The following OTOGL variants were observed in gnomAD, a reference collection of about 807,000 sequenced individuals.
OTOGL encodes otogelin like, also known as otogelin-like protein.
A neutral mutation model predicts 318.5 loss-of-function variants in OTOGL; 285 were observed. The ratio of observed to expected loss-of-function variants is 0.89; its 90% CI spans 0.81 to 0.99. OTOGL has a LOEUF of 0.99. OTOGL is among the 50% of genes least tolerant of loss of function. OTOGL has a pLI of 0.00. For synonymous variants in OTOGL, 987 were observed against 936.5 expected (o/e 1.05, Z -0.99); for missense variants, 2,899 against 2,845.6 (o/e 1.02, Z -0.43).
At chr12:80,327,553 T>C (rs922075205) in intron 35 of OTOGL, among the ~76,000 whole-genome samples, 5 of 151,998 alleles carry the variant, frequency 3.3e-5, no homozygotes, top group Non-Finnish European at 5.9e-5. Flanking sequence ...AGTTTAGGAT[T>C]AATAACAGGC....
At chr12:80,213,782 C>T (rs144369460) in intron 4 of OTOGL, among the ~76,000 whole-genome samples, 27 of 152,224 alleles carry the variant, frequency 1.8e-4, no homozygotes, top group African/African-American at 6.3e-4. Context: ...ATTTTCTGAA[C>T]AATTTTTAAA....
intron 42 of OTOGL, among the ~76,000 whole-genome samples, chr12:80,338,182 A>G (rs1188619730): frequency 2.0e-5 from 3 of 152,074 alleles, no homozygotes; most frequent in South Asian, 2.1e-4. Flanking sequence ...TTAGAAAGCA[A>G]TAGGAGGAAC....
intron 28 of OTOGL, 66 bp from the exon 29 acceptor site, chr12:80,305,510 T>A: frequency 8.2e-7 from 1 of 1,222,410 alleles, no homozygotes; most frequent in Non-Finnish European, 1.0e-6. Flanking sequence ...AAAGTTTTAA[T>A]GAATATGAGT....
At chr12:80,329,928 C>T (rs985773725) in intron 37 of OTOGL, among the ~76,000 whole-genome samples, 9 of 152,120 alleles carry the variant, frequency 5.9e-5, no homozygotes, top group Non-Finnish European at 1.2e-4. Context: ...ACAAGCAGCC[C>T]ACACTAGGAC....
intron 24 of OTOGL, among the ~76,000 whole-genome samples, chr12:80,276,707 C>T (rs1017331407): frequency 6.6e-6 from 1 of 151,476 alleles, no homozygotes; most frequent in Non-Finnish European, 1.5e-5. Flanking sequence ...GAATCGAGGT[C>T]ATTGTTGGTC....
intron 44 of OTOGL, among the ~76,000 whole-genome samples, chr12:80,347,464 C>G (rs766884580): frequency 3.9e-5 from 6 of 152,198 alleles, no homozygotes; most frequent in African/African-American, 7.2e-5. Flanking sequence ...CCTGCAAAGA[C>G]ATGAATTCAT....
intron 22 of OTOGL, 140 bp from the exon 23 acceptor site, chr12:80,269,962 T>G: frequency 1.5e-6 from 1 of 687,820 alleles, no homozygotes; most frequent in Non-Finnish European, 2.4e-6. Flanking sequence ...CCCAACAGCT[T>G]GTAAAAACTT....
chr12:80,375,977 G>T (rs1470434778), intron 57 of OTOGL, among the ~76,000 whole-genome samples: 2 of 151,960 alleles, frequency 1.3e-5, no homozygotes, highest in Non-Finnish European at 2.9e-5. Flanking sequence ...ACCAAACCAG[G>T]TGAGCTCAGG....
At chr12:80,174,722 C>T (rs901467414) in intron 1 of OTOGL, among the ~76,000 whole-genome samples, 2 of 152,010 alleles carry the variant, frequency 1.3e-5, no homozygotes, top group African/African-American at 4.8e-5. Context: ...ATCATCTTTC[C>T]AAAATTGTGC....
At chr12:80,155,769 A>G (rs1873074811) in intron 1 of OTOGL, among the ~76,000 whole-genome samples, 1 of 151,712 alleles carries the variant, frequency 6.6e-6, no homozygotes, top group Non-Finnish European at 1.5e-5. Context: ...CACCCTCTCC[A>G]CTCATTTTCT....
At chr12:80,326,112 T>C (rs1002432237) in intron 35 of OTOGL, among the ~76,000 whole-genome samples, 1 of 152,154 alleles carries the variant, frequency 6.6e-6, no homozygotes, top group Admixed American at 6.5e-5. Context: ...ATACCTGCAG[T>C]ACTTGAGGAA....
chr12:80,316,936 TTA>T (rs1459526555), intron 32 of OTOGL, among the ~76,000 whole-genome samples: 1 of 152,156 alleles, frequency 6.6e-6, no homozygotes, highest in Non-Finnish European at 1.5e-5. Context: ...ATTAAGATAC[TTA>T]TAATATTTAA....
intron 1 of OTOGL, among the ~76,000 whole-genome samples, chr12:80,127,678 A>C (rs1304289076): frequency 6.6e-6 from 1 of 152,198 alleles, no homozygotes; most frequent in Non-Finnish European, 1.5e-5. Flanking sequence ...CAGGTACACC[A>C]ATCAGATGTA....
chr12:80,268,148 A>G (rs994394312), intron 22 of OTOGL, among the ~76,000 whole-genome samples: 2 of 152,164 alleles, frequency 1.3e-5, no homozygotes, highest in Non-Finnish European at 2.9e-5. Context: ...CCATACTTAC[A>G]TATAATTCCT....
At position 80,329,067 on chromosome 12, in the gene OTOGL, C is replaced by A; in HGVS notation, c.4296C>A (p.Pro1432=). 1 of 1,572,700 alleles carries A rather than the reference C, an allele frequency of 6.4e-7. No homozygotes were observed. The highest frequency in any genetic ancestry group is 8.6e-7 in the Non-Finnish European group (1 of 1,166,864). ...VYPRDCIPVI[P]TEPTLMPPAK... is the part of the protein sequence containing the mutation. ...TCTTTGTAGGTATACCTGTGATTCC[C>A]ACAGAACCAACATTAATGCCACCAG... is the stretch of plus-strand genomic sequence containing the variant. The change falls in exon 37 of 59, where the codon CCC becomes CCA. Residue 1432 remains proline, a synonymous_variant. Coordinates refer to ENST00000547103, the MANE Select transcript of OTOGL (RefSeq NM_001378609.3).
intron 22 of OTOGL, among the ~76,000 whole-genome samples, chr12:80,268,564 C>A (rs1172681184): frequency 6.6e-6 from 1 of 152,138 alleles, no homozygotes; most frequent in South Asian, 2.1e-4. Context: ...GACACAGTGG[C>A]AACTAGCTCT....
At chr12:80,294,973 T>A (rs1441449838) in intron 26 of OTOGL, among the ~76,000 whole-genome samples, 3 of 151,806 alleles carry the variant, frequency 2.0e-5, no homozygotes, top group Non-Finnish European at 4.4e-5. Flanking sequence ...AGCTGTAGTC[T>A]CTCTCCCAGC....
chr12:80,327,060 T>C (rs1181380507), intron 35 of OTOGL, among the ~76,000 whole-genome samples: 1 of 152,232 alleles, frequency 6.6e-6, no homozygotes, highest in East Asian at 1.9e-4. Flanking sequence ...AGCCTTTTTA[T>C]AACAATATCT....
chr12:80,313,523 C>T lies in OTOGL; in HGVS notation c.3498C>T (p.Asn1166=), dbSNP rs747988813. ...FAKNCHEDTC[N]CNLGGDCECL... ...AAAATTGTCATGAAGATACATGTAA[C>T]TGCAATCTTGGTGGCGACTGTGAGT... Residue 1166 remains asparagine (N), a synonymous_variant, in exon 31 of 59, where the codon AAC becomes AAT. Coordinates refer to ENST00000547103, the MANE Select transcript of OTOGL (RefSeq NM_001378609.3). The T allele has an allele frequency of 5.6e-6, 9 of 1,612,672 alleles. No individual in the cohort carries two copies. The highest frequency in any genetic ancestry group is 2.2e-5 in the East Asian group (1 of 44,806).
Sources: allele counts gnomAD v4.1 joint callset (sites outside exome capture counted in the v4.1 genomes callset), GRCh38; gene constraint gnomAD v4.1.1; transcripts MANE v1.5; gene names NCBI Gene and HGNC (gene_info 2026-07-23, HGNC 2026-07-21).